STX4: variants seen among roughly 807,000 people sequenced by gnomAD.
The protein encoded by STX4 is syntaxin 4.
Under a neutral mutation model 41.8 loss-of-function variants are expected in STX4, and 24 were observed. The observed-to-expected ratio is 0.57, with a 90% CI of 0.42 to 0.81. STX4 has a LOEUF of 0.81. Ranked by LOEUF, STX4 falls within the 30% of genes least tolerant of loss-of-function variation. STX4 has a pLI of 0.00. For missense variants in STX4, 316 were observed against 389.9 expected, an observed-to-expected ratio of 0.81 and a Z score of 1.60; for synonymous variants, 158 against 156.4, an observed-to-expected ratio of 1.01 and a Z score of -0.08.
Position 31,034,014 on chromosome 16 carries a change from G to A in STX4, c.32G>A (p.Gly11Glu). Reference protein sequence around the residue: MRDRTHELRQGDDSSDEEDKE... With the variant: MRDRTHELRQEDDSSDEEDKE... ...TGCCAATGACTCCGGGCCTGGCAGGGGGATGACAGCTCGGACGAAGAGGAC... is the reference window on the plus strand; with the variant it reads ...TGCCAATGACTCCGGGCCTGGCAGGAGGATGACAGCTCGGACGAAGAGGAC... The change falls in exon 2 of 11, where the codon GGG becomes GAG. Residue 11 changes from glycine (G) to glutamate (E), a missense_variant and splice_region_variant. By Grantham distance (98) the Gly-to-Glu change is moderately conservative. Coordinates refer to ENST00000313843, the MANE Select transcript of STX4 (RefSeq NM_004604.5). 3 of 1,594,760 alleles carry A rather than the reference G, an allele frequency of 1.9e-6. No individual in the cohort carries two copies. The highest frequency in any genetic ancestry group is 2.6e-6 in the Non-Finnish European group (3 of 1,167,936).
At chr16:31,037,064 C>CT (rs1369520275) in intron 5 of STX4, among the ~76,000 whole-genome samples, 2,198 of 122,254 alleles carry the variant, frequency 0.018, 53 homozygotes, top group Non-Finnish European at 0.026. Flanking sequence ...ACCCCCCCCC[C>CT]TTTTTTTTTT....
At chr16:31,036,376 G>C (rs542934832) in intron 5 of STX4, among the ~76,000 whole-genome samples, 1 of 152,290 alleles carries the variant, frequency 6.6e-6, no homozygotes, top group Admixed American at 6.5e-5. Flanking sequence ...CTGTGGTGGT[G>C]ATTGGCATGA....
chr16:31,035,136 G>C (rs2056790750), intron 5 of STX4, 96 bp downstream of exon 5: 6 of 932,884 alleles, frequency 6.4e-6, no homozygotes, highest in Non-Finnish European at 9.3e-6. Context: ...AGAGATCATG[G>C]AGTCCAATTG....
intron 4 of STX4, 128 bp downstream of exon 4, chr16:31,034,664 T>A: frequency 9.1e-7 from 1 of 1,103,502 alleles, no homozygotes; most frequent in South Asian, 1.7e-5. Context: ...GGGTCTAGCA[T>A]CTGTCTCCTG....
intron 7 of STX4, 52 bp from the exon 8 acceptor site, chr16:31,038,458 C>T: frequency 1.9e-6 from 3 of 1,604,634 alleles, no homozygotes; most frequent in Non-Finnish European, 2.6e-6. Flanking sequence ...GAGTTTCTGA[C>T]CTGCTGTCGG....
At chr16:31,034,761 C>G in intron 4 of STX4, 2 of 679,004 alleles carry the variant, frequency 2.9e-6, no homozygotes, top group East Asian at 2.9e-5. Flanking sequence ...ACACAGTTAT[C>G]GCTGCCCACT....
chr16:31,033,902 G>C lies in STX4; in HGVS notation c.30+67G>C. On this transcript the variant is annotated intron_variant, in intron 1 of 10. Transcript: ENST00000313843. The surrounding 1 kb of genome is among the most constrained non-coding windows in gnomAD (Gnocchi z 5.5). ...CTGGAACGCAGGACTTCTGGTCTTC[G>C]GGATAGGGAGGGGTGGCTGATGGCC... 6.9e-7 allele frequency: 1 copy of C among 1,453,036 alleles called. No individual in the cohort carries two copies. Among genetic ancestry groups the C allele is most frequent in the Non-Finnish European group, 9.1e-7 (1 of 1,099,088 alleles). The allele number at this position is 1,453,036 out of a possible 1,614,324, so 90.0% of individuals were successfully genotyped here. A position where few individuals can be genotyped will look rare whatever the true frequency, so the allele number is the denominator to read the frequency against.
intron 5 of STX4, among the ~76,000 whole-genome samples, chr16:31,036,672 G>A (rs1031399823): frequency 7.9e-5 from 12 of 152,092 alleles, no homozygotes; most frequent in Admixed American, 1.3e-4. Context: ...AAAAGAGCAG[G>A]GGAAGAGGGA....
At chr16:31,036,088 A>ATATCT (rs1318670967) in intron 5 of STX4, among the ~76,000 whole-genome samples, 3 of 151,868 alleles carry the variant, frequency 2.0e-5, no homozygotes, top group Admixed American at 2.0e-4. Flanking sequence ...CCCTGGGGTG[A>ATATCT]TATCTTAGTA....
chr16:31,039,743 CTG>C lies in STX4; in HGVS notation c.840_841del (p.Ser281HisfsTer?). On this transcript the variant is annotated frameshift_variant, in exon 10 of 11. Transcript: ENST00000313843. LOFTEE classifies it high-confidence loss of function. This position sits in a 1 kb window ranked among gnomAD's most constrained non-coding sequence, Gnocchi z 4.1. ...ARKKKVLIAI[C>X]VSITVVLLAV... ...CACAGAAGAAAGTCTTGATTGCCAT[CTG>C]TGTGTCCATCACCGTCGTCCTCCTA... 1.9e-6 allele frequency: 3 copies of C among 1,614,230 alleles called. No individual in the cohort carries two copies. Among genetic ancestry groups the C allele is most frequent in the Non-Finnish European group, 2.5e-6 (3 of 1,180,042 alleles).
chr16:31,039,675 T>C lies in STX4; in HGVS notation c.813+24T>C, dbSNP rs1261709911. The C allele has an allele frequency of 1.2e-6, 2 of 1,614,182 alleles. No individual in the cohort carries two copies. Reference sequence around the variant, plus strand: ...AGGTGAGCCTCCCAGGCCCGGCCACTGCCCCAGGCACCCTGTGTGACTTCC... The same window carrying C: ...AGGTGAGCCTCCCAGGCCCGGCCACCGCCCCAGGCACCCTGTGTGACTTCC... On this transcript the variant is annotated intron_variant, in intron 9 of 10. Transcript: ENST00000313843. The surrounding 1 kb of genome is among the most constrained non-coding windows in gnomAD (Gnocchi z 4.1).
In STX4 at chr16:31,033,632, C is replaced by T; in HGVS notation, c.-174C>T. 1 of 1,474,432 alleles carries T rather than the reference C, an allele frequency of 6.8e-7. No homozygotes were observed. Among genetic ancestry groups the T allele is most frequent in the Non-Finnish European group, 9.0e-7 (1 of 1,113,598 alleles). The allele number at this position is 1,474,432 out of a possible 1,614,324, so 91.3% of individuals were successfully genotyped here. A position where few individuals can be genotyped will look rare whatever the true frequency, so the allele number is the denominator to read the frequency against. On this transcript the variant is annotated 5_prime_UTR_variant, in exon 1 of 11. Coordinates refer to ENST00000313843, the MANE Select transcript of STX4 (RefSeq NM_004604.5). This position sits in a 1 kb window ranked among gnomAD's most constrained non-coding sequence, Gnocchi z 5.5. ...TGGAACCTTGGGGGGTCCCCGGGGT[C>T]GGCGCCTTCCCATTGACTGTGGGCG...
At chr16:31,034,393 A>T in intron 3 of STX4, 68 bp downstream of exon 3, 1 of 1,608,928 alleles carries the variant, frequency 6.2e-7, no homozygotes, top group South Asian at 1.1e-5. Flanking sequence ...AGTTCCACGC[A>T]GGTGGTGGCC....
chr16:31,038,488 C>A, intron 7 of STX4, 22 bp from the exon 8 acceptor site: 2 of 1,613,748 alleles, frequency 1.2e-6, no homozygotes, highest in Non-Finnish European at 1.7e-6. Context: ...GAACAGTTGC[C>A]CCACTCCTGT....
intron 5 of STX4, among the ~76,000 whole-genome samples, chr16:31,035,488 A>C (rs578194830): frequency 6.6e-6 from 1 of 152,182 alleles, no homozygotes; most frequent in East Asian, 1.9e-4. Context: ...CGGCCTCCCA[A>C]AGTGCTGAAT....
chr16:31,037,064 CTTT>C (rs1369520275), intron 5 of STX4, among the ~76,000 whole-genome samples: 2 of 122,282 alleles, frequency 1.6e-5, no homozygotes, highest in South Asian at 2.7e-4. Context: ...ACCCCCCCCC[CTTT>C]TTTTTTTTTC....
chr16:31,040,012 A>G lies in STX4; in HGVS notation c.*116A>G, dbSNP rs527549336. ...GGACCCCTTCCTCACACTGGCCCCT[A>G]TGCAGAAGGGCAGACAGTTCTTCTG... On this transcript the variant is annotated 3_prime_UTR_variant, in exon 11 of 11. Transcript: ENST00000313843. 1.7e-5 allele frequency: 10 copies of G among 603,792 alleles called. No individual in the cohort carries two copies. The highest frequency in any genetic ancestry group is 2.6e-5 in the Non-Finnish European group (9 of 341,028). 37.4% of individuals were successfully genotyped at this position (603,792 alleles called of 1,614,324 possible).
In STX4 at chr16:31,034,069, G is replaced by GGGCAC; in HGVS notation, c.96_100dup (p.Leu34HisfsTer48). 1 of 1,610,398 alleles carries GGGCAC rather than the reference G, an allele frequency of 6.2e-7. No homozygotes were observed. Among genetic ancestry groups the GGGCAC allele is most frequent in the Non-Finnish European group, 8.5e-7 (1 of 1,177,578 alleles). ...AGCGGGTCGCGCTGGTGGTGCACCC[G>GGGCAC]GGCACGGCACGGCTGGGGAGCCCGG... On this transcript the variant is annotated frameshift_variant, in exon 2 of 11. Coordinates refer to ENST00000313843, the MANE Select transcript of STX4 (RefSeq NM_004604.5). LOFTEE classifies it high-confidence loss of function.
In STX4 at chr16:31,034,100, GA is replaced by G. The variant is rs748804243; in HGVS notation, c.119del (p.Glu40GlyfsTer40). ...GGCACGGCTGGGGAGCCCGGACGAG[GA>G]GTTCTTCCACAAGGTAAGGGGCTGG... ...GTARLGSPDE[E>X]FFHKVRTIRQ... On this transcript the variant is annotated frameshift_variant, in exon 2 of 11. Coordinates refer to ENST00000313843, the MANE Select transcript of STX4 (RefSeq NM_004604.5). LOFTEE classifies it high-confidence loss of function. The G allele has an allele frequency of 6.2e-7, 1 of 1,609,226 alleles. No homozygotes were observed. Among genetic ancestry groups the G allele is most frequent in the African/African-American group, 1.3e-5 (1 of 74,828 alleles).
Sources: allele counts gnomAD v4.1 joint callset (sites outside exome capture counted in the v4.1 genomes callset), GRCh38; gene constraint gnomAD v4.1.1; non-coding constraint Gnocchi (gnomAD v3.1); transcripts MANE v1.5; gene names NCBI Gene and HGNC (gene_info 2026-07-23, HGNC 2026-07-21).